The following PSMC6 variants were observed in gnomAD, a reference collection of about 807,000 sequenced individuals.
PSMC6 encodes proteasome 26S subunit, ATPase 6, also known as 26S proteasome regulatory subunit 10B.
Under a neutral mutation model 55.9 loss-of-function variants are expected in PSMC6, and 3 were observed. The observed-to-expected ratio is 0.05, with a 90% CI of 0.02 to 0.14. The LOEUF is 0.14. PSMC6 is among the 10% of genes least tolerant of loss of function. The pLI is 1.00. For missense variants in PSMC6, 210 were observed against 478.7 expected, an observed-to-expected ratio of 0.44 and a Z score of 5.24; for synonymous variants, 137 against 155.9, an observed-to-expected ratio of 0.88 and a Z score of 0.90.
At position 52,713,978 on chromosome 14, in the gene PSMC6, G is replaced by A; in HGVS notation, c.529+10G>A. 6.9e-7 allele frequency: 1 copy of A among 1,448,318 alleles called. No homozygotes were observed. The highest frequency in any genetic ancestry group is 9.5e-7 in the Non-Finnish European group (1 of 1,049,232). 89.7% of individuals were successfully genotyped at this position (1,448,318 alleles called of 1,614,324 possible). On this transcript the variant is annotated intron_variant, in intron 7 of 13. Coordinates refer to ENST00000445930, the MANE Select transcript of PSMC6 (RefSeq NM_002806.5). ...TTATATGGACCACCAGGTTGGTATT[G>A]AATTATTTCTACTCCACCAATAAGA... is the stretch of plus-strand genomic sequence containing the variant.
intron 9 of PSMC6, 191 bp from the exon 10 acceptor site, chr14:52,718,786 A>G (rs1594852011): frequency 6.9e-6 from 4 of 577,174 alleles, no homozygotes; most frequent in Admixed American, 6.5e-5. Flanking sequence ...CTCCGTCTCA[A>G]TAAATAACCT....
intron 7 of PSMC6, among the ~76,000 whole-genome samples, chr14:52,717,746 G>A (rs1258286387): frequency 5.9e-5 from 9 of 152,088 alleles, no homozygotes; most frequent in Middle Eastern, 3.4e-3. Flanking sequence ...GGCCGGGTGC[G>A]GTGGCTCCTG....
intron 9 of PSMC6, 102 bp from the exon 10 acceptor site, chr14:52,718,875 A>C: frequency 1.1e-6 from 1 of 886,844 alleles, no homozygotes; most frequent in South Asian, 1.6e-5. Context: ...TTTAATTTTC[A>C]TCTTAATGTT....
At chr14:52,718,885 T>C (rs778945612) in intron 9 of PSMC6, 92 bp from the exon 10 acceptor site, 52 of 985,356 alleles carry the variant, frequency 5.3e-5, no homozygotes, top group Non-Finnish European at 7.3e-5. Context: ...ATCTTAATGT[T>C]TTAAGCCACA....
At chr14:52,710,103 T>G (rs947092975) in intron 4 of PSMC6, 1 of 153,084 alleles carries the variant, frequency 6.5e-6, no homozygotes, top group African/African-American at 2.4e-5. Flanking sequence ...GATTCCGAAA[T>G]TGTATTGGCA....
chr14:52,708,695 C>CT (rs771981257), intron 3 of PSMC6, 69 bp from the exon 4 acceptor site: 27 of 1,598,522 alleles, frequency 1.7e-5, no homozygotes, highest in Non-Finnish European at 2.2e-5. Flanking sequence ...ACTAAACCCT[C>CT]TGTCAACGTG....
At chr14:52,707,412 G>C (rs532985523) in intron 1 of PSMC6, 108 bp downstream of exon 1, 2 of 1,447,816 alleles carry the variant, frequency 1.4e-6, no homozygotes, top group Middle Eastern at 2.3e-4. Context: ...GAGATGACCA[G>C]GCCTAGGGCC....
intron 7 of PSMC6, among the ~76,000 whole-genome samples, chr14:52,715,893 A>G (rs1159921290): frequency 6.6e-6 from 1 of 152,170 alleles, no homozygotes; most frequent in African/African-American, 2.4e-5. Flanking sequence ...CTGGGATTAC[A>G]GGCATGAGCC....
chr14:52,723,664 A>T (rs980209505), intron 12 of PSMC6: 2 of 314,846 alleles, frequency 6.4e-6, no homozygotes, highest in African/African-American at 2.2e-5. Context: ...TCACAGCTTA[A>T]CAGGTATCTG....
intron 13 of PSMC6, among the ~76,000 whole-genome samples, chr14:52,726,884 C>T (rs1390418492): frequency 6.6e-6 from 1 of 152,098 alleles, no homozygotes; most frequent in Non-Finnish European, 1.5e-5. Flanking sequence ...CCAGGTAATC[C>T]GTCCACCTTG....
chr14:52,725,628 C>A (rs537360091), intron 13 of PSMC6, among the ~76,000 whole-genome samples: 1 of 152,330 alleles, frequency 6.6e-6, no homozygotes, highest in East Asian at 1.9e-4. Flanking sequence ...CTGATCATTT[C>A]TCCTTTATCT....
Position 52,718,993 on chromosome 14 carries a change from T to A in PSMC6, c.732T>A (p.Ser244=). 1 of 1,612,876 alleles carries A rather than the reference T, an allele frequency of 6.2e-7. No individual in the cohort carries two copies. Among genetic ancestry groups the A allele is most frequent in the Middle Eastern group, 1.7e-4 (1 of 6,058 alleles). Residue 244 remains serine (S), a synonymous_variant, in exon 10 of 14, where the codon TCT becomes TCA. Transcript: ENST00000445930. ...CTATCTTAGGTGGTCGTCGGTTTTC[T>A]GAGGGTACTTCAGCTGACAGAGAGA... The part of the protein sequence containing the change: ...EIDAIGGRRF[S]EGTSADREIQ...
At chr14:52,712,698 C>T (rs990934826) in intron 6 of PSMC6, among the ~76,000 whole-genome samples, 4 of 151,996 alleles carry the variant, frequency 2.6e-5, no homozygotes, top group Non-Finnish European at 2.9e-5. Flanking sequence ...TCTCAGCTCA[C>T]TGCAACCTCT....
chr14:52,709,801 T>C (rs1300652383), intron 4 of PSMC6: 2 of 227,898 alleles, frequency 8.8e-6, no homozygotes, highest in African/African-American at 4.8e-5. Context: ...TTAAAAAAAA[T>C]CAAAAGTTTG....
At chr14:52,713,060 A>G (rs2041792044) in intron 6 of PSMC6, among the ~76,000 whole-genome samples, 1 of 152,052 alleles carries the variant, frequency 6.6e-6, no homozygotes, top group African/African-American at 2.4e-5. Flanking sequence ...GTGAAACCCC[A>G]TCTCTTCTAA....
chr14:52,709,507 C>G (rs1012185179), intron 4 of PSMC6: 1 of 435,636 alleles, frequency 2.3e-6, no homozygotes, highest in Non-Finnish European at 4.5e-6. Flanking sequence ...AGTATATAAG[C>G]GGTTGACATT....
intron 7 of PSMC6, among the ~76,000 whole-genome samples, chr14:52,714,255 A>G (rs915908316): frequency 1.3e-5 from 2 of 152,074 alleles, no homozygotes; most frequent in African/African-American, 4.8e-5. Context: ...TGCTCAGGCT[A>G]TCTCAAACTC....
chr14:52,718,945 A>AAAAG, intron 9 of PSMC6, 32 bp from the exon 10 acceptor site: 1 of 1,513,236 alleles, frequency 6.6e-7, no homozygotes, highest in Non-Finnish European at 9.2e-7. Context: ...GAAAAGAGTA[A>AAAAG]TGCATATAAA....
chr14:52,715,604 TTTTTC>T (rs948795724), intron 7 of PSMC6, among the ~76,000 whole-genome samples: 65 of 151,436 alleles, frequency 4.3e-4, no homozygotes, highest in Admixed American at 8.5e-4. Flanking sequence ...GCTTTTTCTT[TTTTTC>T]TTTTCTTTTC....
Sources: allele counts gnomAD v4.1 joint callset (sites outside exome capture counted in the v4.1 genomes callset), GRCh38; gene constraint gnomAD v4.1.1; transcripts MANE v1.5; gene names NCBI Gene and HGNC (gene_info 2026-07-23, HGNC 2026-07-21).